TCFL5: variants seen among roughly 807,000 people sequenced by gnomAD.
The protein encoded by TCFL5 is transcription factor like 5, also known as transcription factor-like 5 protein.
Under a neutral mutation model 44.3 loss-of-function variants are expected in TCFL5, and 9 were observed. The observed-to-expected ratio is 0.20, with a 90% CI of 0.12 to 0.35. The LOEUF (loss-of-function observed/expected upper bound fraction) is 0.35. Ranked by LOEUF, TCFL5 falls within the 10% of genes least tolerant of loss-of-function variation. The pLI, the probability that TCFL5 is intolerant of heterozygous loss-of-function variation, is 1.00. For missense variants in TCFL5, 603 were observed against 613.4 expected, an observed-to-expected ratio of 0.98 and a Z score of 0.18; for synonymous variants, 319 against 271.6, an observed-to-expected ratio of 1.17 and a Z score of -1.72.
At position 62,842,245 on chromosome 20, in the gene TCFL5, C is replaced by T. The variant is rs1011146493; in HGVS notation, c.1381-148G>A. On this transcript the variant is annotated intron_variant, in intron 5 of 5. Coordinates refer to ENST00000335351, the MANE Select transcript of TCFL5 (RefSeq NM_006602.4). This position sits in a 1 kb window ranked among gnomAD's most constrained non-coding sequence, Gnocchi z 4.3. ...TGTCATTCACAAACTTGTGTCTTAC[C>T]TCACAAGGGGATTTATATAATAAAC... 6.0e-6 allele frequency: 6 copies of T among 994,794 alleles called. No individual in the cohort carries two copies. Among genetic ancestry groups the T allele is most frequent in the Non-Finnish European group, 7.3e-6 (5 of 687,982 alleles). 61.6% of individuals were successfully genotyped at this position (994,794 alleles called of 1,614,324 possible). A position where few individuals can be genotyped will look rare whatever the true frequency, so the allele number is the denominator to read the frequency against.
Position 62,857,590 on chromosome 20 carries a change from C to T in TCFL5, c.1043G>A (p.Arg348His), listed in dbSNP as rs779829916. The T allele has an allele frequency of 7.4e-6, 12 of 1,614,132 alleles. No individual in the cohort carries two copies. The highest frequency in any genetic ancestry group is 3.3e-5 in the South Asian group (3 of 91,096). Residue 348 changes from arginine to histidine, a missense_variant, in exon 4 of 6, where the codon CGT (arginine) becomes CAT (histidine). Around this residue, in one of 4 missense-constraint regions of TCFL5, gnomAD observed 540 missense variants for 478.7 expected, o/e 1.13. Transcript: ENST00000335351. Reference sequence around the variant, plus strand: ...TCGCTCTACATTTGTGTCCAACTGACGCATTCTACTCCGATTCCTCTTCAG... The same window carrying T: ...TCGCTCTACATTTGTGTCCAACTGATGCATTCTACTCCGATTCCTCTTCAG... ...QALKRNRSRM[R>H]QLDTNVERRA...
intron 4 of TCFL5, among the ~76,000 whole-genome samples, chr20:62,856,041 G>A (rs541610848): frequency 6.6e-6 from 1 of 151,968 alleles, no homozygotes; most frequent in African/African-American, 2.4e-5. Flanking sequence ...ACAAGGTCAG[G>A]AGTTCGAGAC....
chr20:62,857,315 A>C, intron 4 of TCFL5, 80 bp downstream of exon 4: 13 of 1,556,384 alleles, frequency 8.4e-6, no homozygotes, highest in Non-Finnish European at 1.1e-5. Context: ...GAAACGGCTA[A>C]GGATCACTCA....
intron 4 of TCFL5, 61 bp from the exon 5 acceptor site, chr20:62,854,218 G>T (rs1378517353): frequency 4.4e-6 from 7 of 1,592,086 alleles, no homozygotes; most frequent in Non-Finnish European, 5.1e-6. Context: ...CATGTAAAAG[G>T]AAGCGTCTCC....
At chr20:62,853,548 G>C (rs919877636) in intron 5 of TCFL5, among the ~76,000 whole-genome samples, 1 of 152,106 alleles carries the variant, frequency 6.6e-6, no homozygotes, top group Non-Finnish European at 1.5e-5. Flanking sequence ...ATGGGGTCTT[G>C]CCATGTTGCC....
chr20:62,853,398 G>A (rs2063842837), intron 5 of TCFL5, among the ~76,000 whole-genome samples: 1 of 152,090 alleles, frequency 6.6e-6, no homozygotes, highest in South Asian at 2.1e-4. Flanking sequence ...CCAGGCTGGA[G>A]TGCAGTGGTA....
At chr20:62,848,304 A>G (rs2063768784) in intron 5 of TCFL5, among the ~76,000 whole-genome samples, 1 of 152,258 alleles carries the variant, frequency 6.6e-6, no homozygotes, top group African/African-American at 2.4e-5. Flanking sequence ...GGCATCTCAC[A>G]ACTAAACACA....
chr20:62,861,176 A>G lies in TCFL5; in HGVS notation c.495T>C (p.Ala165=). The G allele has an allele frequency of 2.0e-6, 2 of 1,022,310 alleles. No homozygotes were observed. Among genetic ancestry groups the G allele is most frequent in the Non-Finnish European group, 1.2e-6 (1 of 858,442 alleles). 63.3% of individuals were successfully genotyped at this position (1,022,310 alleles called of 1,614,324 possible). A position where few individuals can be genotyped will look rare whatever the true frequency, so the allele number is the denominator to read the frequency against. ...DGAAKEGAGA[A]AAAAGPDGAP... ...CGCCGTCGGGTCCAGCCGCAGCCGCAGCCGCGCCCGCGCCCTCCTTGGCGG... is the reference window on the plus strand; with the variant it reads ...CGCCGTCGGGTCCAGCCGCAGCCGCGGCCGCGCCCGCGCCCTCCTTGGCGG... The change falls in exon 1 of 6, where the codon GCT becomes GCC. Residue 165 remains alanine (A), a synonymous_variant. Coordinates refer to ENST00000335351, the MANE Select transcript of TCFL5 (RefSeq NM_006602.4). The surrounding 1 kb of genome is among the most constrained non-coding windows in gnomAD (Gnocchi z 4.0).
intron 5 of TCFL5, among the ~76,000 whole-genome samples, chr20:62,850,645 C>T (rs1013358172): frequency 1.3e-5 from 2 of 152,164 alleles, no homozygotes; most frequent in African/African-American, 4.8e-5. Flanking sequence ...TCCAGTGTCC[C>T]CCAGCAGCAG....
intron 3 of TCFL5, 124 bp downstream of exon 3, chr20:62,859,240 A>G (rs1282678107): frequency 2.3e-6 from 2 of 870,714 alleles, no homozygotes; most frequent in African/African-American, 3.4e-5. Context: ...ATACACAGAC[A>G]CCTCCAAGAC....
intron 5 of TCFL5, among the ~76,000 whole-genome samples, chr20:62,844,392 T>G (rs1036227221): frequency 2.6e-5 from 4 of 152,178 alleles, no homozygotes; most frequent in African/African-American, 9.7e-5. Flanking sequence ...AAATGTCTAT[T>G]CAAGTTCTTT....
At chr20:62,858,090 T>C (rs2063923307) in intron 3 of TCFL5, among the ~76,000 whole-genome samples, 1 of 152,184 alleles carries the variant, frequency 6.6e-6, no homozygotes, top group African/African-American at 2.4e-5. Flanking sequence ...AAAAAACAAT[T>C]ATTCTAATAT....
intron 2 of TCFL5, among the ~76,000 whole-genome samples, chr20:62,859,755 C>G (rs1032410409): frequency 2.0e-5 from 3 of 151,136 alleles, no homozygotes; most frequent in African/African-American, 7.3e-5. Flanking sequence ...GGCTCTCACT[C>G]TGTCGCCCAG....
Position 62,861,267 on chromosome 20 carries a change from C to T in TCFL5, c.404G>A (p.Ser135Asn). ...DFQELRMMLLSEAGAAEKTSG... is the reference protein window; with the variant it reads ...DFQELRMMLLNEAGAAEKTSG... The stretch of plus-strand genomic sequence containing the variant: ...CGTCTTCTCCGCCGCGCCCGCCTCG[C>T]TTAGCAGCATCATGCGCAGCTCCTG... The change falls in exon 1 of 6, where the codon AGC (serine) becomes AAC (asparagine). Residue 135 changes from serine (S) to asparagine (N), a missense_variant. Transcript: ENST00000335351. This position sits in a 1 kb window ranked among gnomAD's most constrained non-coding sequence, Gnocchi z 4.0. 7 of 1,218,488 alleles carry T rather than the reference C, an allele frequency of 5.7e-6. No individual in the cohort carries two copies. Among genetic ancestry groups the T allele is most frequent in the Non-Finnish European group, 7.3e-6 (7 of 959,880 alleles). The allele number at this position is 1,218,488 out of a possible 1,614,324, so 75.5% of individuals were successfully genotyped here.
rs371752198 is a variant in TCFL5 at position 62,841,923 on chromosome 20, C to G, written c.*52G>C. 1.6e-5 allele frequency: 25 copies of G among 1,608,228 alleles called. No homozygotes were observed. The African/African-American group carries it at 3.1e-4, about 20-fold the overall frequency. ...GCTCCAGGGTTGCAGAAGGCGTGCA[C>G]AGGTCACGAAGGAATGGCTGTTCAC... On this transcript the variant is annotated 3_prime_UTR_variant, in exon 6 of 6. Transcript: ENST00000335351.
chr20:62,859,157 G>T (rs2063944781), intron 3 of TCFL5, among the ~76,000 whole-genome samples: 1 of 152,210 alleles, frequency 6.6e-6, no homozygotes, highest in Admixed American at 6.5e-5. Flanking sequence ...CTCACACCAA[G>T]ATTAATTATG....
intron 5 of TCFL5, chr20:62,844,847 C>T (rs1262738859): frequency 9.2e-6 from 9 of 977,516 alleles, no homozygotes; most frequent in African/African-American, 1.8e-5. Flanking sequence ...CCACCCACCT[C>T]GGCCTCCCAG....
rs117747394 is a variant in TCFL5 at position 62,859,878 on chromosome 20, C to T, written c.831+247G>A. 5.0e-3 allele frequency among the ~76,000 whole-genome samples: 762 copies of T among 152,096 alleles called. 5 individuals carry two copies. Among genetic ancestry groups the T allele is most frequent in the Non-Finnish European group, 8.5e-3 (580 of 67,984 alleles). ...TGGGATTACAGGTGTCCGCCACTACCACCTGGTTAATTTTCGTACGGGGTT... is the reference window on the plus strand; with the variant it reads ...TGGGATTACAGGTGTCCGCCACTACTACCTGGTTAATTTTCGTACGGGGTT... On this transcript the variant is annotated intron_variant, in intron 2 of 5. Transcript: ENST00000335351.
In TCFL5 at chr20:62,861,137, C is replaced by T. The variant is rs2063996513; in HGVS notation, c.534G>A (p.Arg178=). Residue 178 remains arginine, a synonymous_variant, in exon 1 of 6, where the codon CGG becomes CGA. Transcript: ENST00000335351. This position sits in a 1 kb window ranked among gnomAD's most constrained non-coding sequence, Gnocchi z 4.0. The part of the protein sequence containing the change: ...AAGPDGAPEA[R]AKPAVRVRLE... ...GGCGGACGCGCACGGCCGGCTTGGC[C>T]CGGGCCTCGGGCGCGCCGTCGGGTC... is the stretch of plus-strand genomic sequence containing the variant. 1.0e-6 allele frequency: 1 copy of T among 1,002,754 alleles called. No homozygotes were observed. Among genetic ancestry groups the T allele is most frequent in the South Asian group, 4.5e-5 (1 of 22,278 alleles). The allele number at this position is 1,002,754 out of a possible 1,614,324, so 62.1% of individuals were successfully genotyped here.
Sources: allele counts gnomAD v4.1 joint callset (sites outside exome capture counted in the v4.1 genomes callset), GRCh38; gene constraint gnomAD v4.1.1; regional missense constraint gnomAD v4.1.1; non-coding constraint Gnocchi (gnomAD v3.1); transcripts MANE v1.5; gene names NCBI Gene and HGNC (gene_info 2026-07-23, HGNC 2026-07-21).